Variants in MSH3 observed in about 807,000 individuals in gnomAD.
The protein encoded by MSH3 is DNA mismatch repair protein Msh3.
Under a neutral mutation model 123.3 loss-of-function variants are expected in MSH3, and 106 were observed. The ratio of observed to expected loss-of-function variants is 0.86; its 90% CI spans 0.73 to 1.01. The LOEUF is 1.01. Among genes scored for constraint, MSH3 ranks in the 50% least tolerant of loss-of-function variants. The pLI, the probability that MSH3 is intolerant of heterozygous loss-of-function variation, is 0.00. For synonymous variants in MSH3, 515 were observed against 481.4 expected (o/e 1.07, Z -0.91); for missense variants, 1,459 against 1,347.6 (o/e 1.08, Z -1.29).
intron 20 of MSH3, among the ~76,000 whole-genome samples, chr5:80,837,231 A>G (rs185348405): frequency 1.3e-5 from 2 of 152,336 alleles, no homozygotes; most frequent in African/African-American, 2.4e-5. Flanking sequence ...AAACTAGGCT[A>G]TTGGAACAGC....
rs187611530 is a variant in MSH3, at chr5:80,767,574, C to T, written c.1897-359C>T. ...TCTTTTTCTTGTCAATTTGTAAGAGCCTATTATGTTTGGGAGAATTTTGCC... is the reference window on the plus strand; with the variant it reads ...TCTTTTTCTTGTCAATTTGTAAGAGTCTATTATGTTTGGGAGAATTTTGCC... On this transcript the variant is annotated intron_variant, in intron 13 of 23. Coordinates refer to ENST00000265081, the MANE Select transcript of MSH3 (RefSeq NM_002439.5). 5.9e-5 allele frequency among the ~76,000 whole-genome samples: 9 copies of T among 152,116 alleles called. No homozygotes were observed. In the East Asian group the frequency reaches 1.4e-3, roughly 23 times the overall value.
intron 19 of MSH3, 28 bp from the exon 20 acceptor site, chr5:80,813,556 A>G (rs1745045529): frequency 6.2e-6 from 10 of 1,613,516 alleles, no homozygotes; most frequent in East Asian, 2.2e-5. Context: ...TTCTGGTACA[A>G]TAAGTGAAAT....
chr5:80,685,350 T>C (rs1315063454), intron 8 of MSH3, among the ~76,000 whole-genome samples: 1 of 152,048 alleles, frequency 6.6e-6, no homozygotes, highest in African/African-American at 2.4e-5. Context: ...TCGTTACTTG[T>C]TATTGGTCTG....
chr5:80,804,623 CCAAA>C (rs761656894), intron 19 of MSH3, among the ~76,000 whole-genome samples: 1 of 152,208 alleles, frequency 6.6e-6, no homozygotes, highest in Non-Finnish European at 1.5e-5. Flanking sequence ...TTACTTTCCC[CCAAA>C]CAAACGGAGC....
intron 8 of MSH3, among the ~76,000 whole-genome samples, chr5:80,682,892 T>A (rs570864156): frequency 6.6e-6 from 1 of 152,298 alleles, no homozygotes; most frequent in South Asian, 2.1e-4. Flanking sequence ...ATCTTTCTAC[T>A]CTCTATCTCC....
chr5:80,791,713 G>T (rs1744608996), intron 18 of MSH3, among the ~76,000 whole-genome samples: 1 of 152,166 alleles, frequency 6.6e-6, no homozygotes, highest in African/African-American at 2.4e-5. Context: ...TTTTTTGTGT[G>T]TGTACTGAGA....
intron 2 of MSH3, among the ~76,000 whole-genome samples, chr5:80,660,921 C>T (rs1344178857): frequency 1.3e-5 from 2 of 152,248 alleles, no homozygotes; most frequent in South Asian, 2.1e-4. Flanking sequence ...GCCTCAGCCT[C>T]TGGAGTAGCT....
At chr5:80,824,816 T>G (rs544322745) in intron 20 of MSH3, among the ~76,000 whole-genome samples, 3 of 152,298 alleles carry the variant, frequency 2.0e-5, no homozygotes, top group Admixed American at 2.0e-4. Flanking sequence ...TCTATCAGTT[T>G]ATACAGATTA....
chr5:80,737,922 A>G (rs1378001494), intron 10 of MSH3, among the ~76,000 whole-genome samples: 1 of 152,194 alleles, frequency 6.6e-6, no homozygotes, highest in African/African-American at 2.4e-5. Flanking sequence ...CAGTTTAAAA[A>G]AACTCTTAGT....
At chr5:80,775,444 A>C (rs143987130) in intron 15 of MSH3, among the ~76,000 whole-genome samples, 4 of 152,330 alleles carry the variant, frequency 2.6e-5, no homozygotes, top group African/African-American at 7.2e-5. Flanking sequence ...TACATATAAC[A>C]ATATTAGAAA....
At chr5:80,740,757 C>G (rs1005220761) in intron 10 of MSH3, among the ~76,000 whole-genome samples, 4 of 151,030 alleles carry the variant, frequency 2.6e-5, no homozygotes, top group Non-Finnish European at 5.9e-5. Flanking sequence ...CTCTGTTGCC[C>G]AGGTTGGAGT....
intron 18 of MSH3, among the ~76,000 whole-genome samples, chr5:80,790,352 C>T (rs774518003): frequency 1.8e-4 from 27 of 152,090 alleles, no homozygotes; most frequent in Non-Finnish European, 2.6e-4. Context: ...AGAACAAAGA[C>T]GAAGTTTACT....
chr5:80,669,319 A>AGGG (rs1252983259), intron 3 of MSH3, among the ~76,000 whole-genome samples: 1 of 151,926 alleles, frequency 6.6e-6, no homozygotes, highest in Non-Finnish European at 1.5e-5. Flanking sequence ...TTTTCATTGT[A>AGGG]GGGGGAGCTG....
chr5:80,655,047 T>A, intron 1 of MSH3, 83 bp downstream of exon 1: 1 of 778,988 alleles, frequency 1.3e-6, no homozygotes, highest in Non-Finnish European at 1.9e-6. Flanking sequence ...GCGGGGACCC[T>A]CCGCCCGATG....
intron 2 of MSH3, among the ~76,000 whole-genome samples, chr5:80,657,827 C>T (rs1289466852): frequency 1.3e-5 from 2 of 151,298 alleles, no homozygotes; most frequent in Non-Finnish European, 1.5e-5. Flanking sequence ...TCTAAAACTT[C>T]ACCTTTCTGG....
rs1397249493 is a variant in MSH3 at position 80,675,086 on chromosome 5, T to C, written c.1131T>C (p.Asn377=). 1.2e-6 allele frequency: 2 copies of C among 1,613,536 alleles called. No homozygotes were observed. Among genetic ancestry groups the C allele is most frequent in the South Asian group, 1.1e-5 (1 of 91,060 alleles). ...YLLCISENKE[N]VRDKKKGNIF... is the part of the protein sequence containing the mutation. ...TGTGCATCTCTGAAAATAAGGAAAATGTTAGGGACAAAAAAAAGGGCAACA... is the reference window on the plus strand; with the variant it reads ...TGTGCATCTCTGAAAATAAGGAAAACGTTAGGGACAAAAAAAAGGGCAACA... Residue 377 remains asparagine, a synonymous_variant, in exon 7 of 24, where the codon AAT becomes AAC. Coordinates refer to ENST00000265081, the MANE Select transcript of MSH3 (RefSeq NM_002439.5).
Position 80,853,146 on chromosome 5 carries a change from T to G in MSH3, c.2814-984T>G, listed in dbSNP as rs767257404. On this transcript the variant is annotated intron_variant, in intron 20 of 23. Transcript: ENST00000265081. ...ATTTCAGGGACCATGGTTAAATCAG[T>G]TAAAGAAAAGCTGTGTACTAGATCC... is the stretch of plus-strand genomic sequence containing the variant. Among the ~76,000 whole-genome samples, 17 of 152,094 alleles carry G rather than the reference T, an allele frequency of 1.1e-4. No homozygotes were observed. The highest frequency in any genetic ancestry group is 2.2e-4 in the Non-Finnish European group (15 of 68,016).
At chr5:80,853,765 C>G (rs938819356) in intron 20 of MSH3, among the ~76,000 whole-genome samples, 1 of 152,076 alleles carries the variant, frequency 6.6e-6, no homozygotes, top group Non-Finnish European at 1.5e-5. Flanking sequence ...TGTACAAGAT[C>G]TTTGTACAGT....
In MSH3 at chr5:80,808,858, CATAT is replaced by C. The variant is rs747818551; in HGVS notation, c.2656-4704_2656-4701del. On this transcript the variant is annotated intron_variant, in intron 19 of 23. Coordinates refer to ENST00000265081, the MANE Select transcript of MSH3 (RefSeq NM_002439.5). ...CTTACTTTGGGTAATATATCTTCTTCATATATATATATATATATATATATACACA... is the reference window on the plus strand; with the variant it reads ...CTTACTTTGGGTAATATATCTTCTTCATATATATATATATATATATACACA... Among the ~76,000 whole-genome samples the C allele has an allele frequency of 9.1e-5, 6 of 66,134 alleles. 1 individual carries two copies. Among genetic ancestry groups the C allele is most frequent in the African/African-American group, 2.7e-4 (5 of 18,866 alleles). 43.4% of individuals were successfully genotyped at this position (66,134 alleles called of 152,430 possible). A position where few individuals can be genotyped will look rare whatever the true frequency, so the allele number is the denominator to read the frequency against.
Sources: gnomAD v4.1 joint callset for allele counts (sites outside exome capture counted in the v4.1 genomes callset) on GRCh38, gnomAD v4.1.1 for gene constraint, MANE v1.5 for transcripts, NCBI Gene and HGNC (gene_info 2026-07-23, HGNC 2026-07-21) for gene names.